Variants in AFF3 observed in about 807,000 individuals in gnomAD.
The protein encoded by AFF3 is ALF transcription elongation factor 3.
Under a neutral mutation model 129.7 loss-of-function variants are expected in AFF3, and 32 were observed. The observed-to-expected ratio is 0.25, with a 90% CI of 0.19 to 0.33. The LOEUF (loss-of-function observed/expected upper bound fraction) is 0.33, where lower values mean the gene tolerates loss of function less well. AFF3 is among the 10% of genes least tolerant of loss of function. The pLI is 1.00. For synonymous variants in AFF3, 644 were observed against 635.4 expected (o/e 1.01, Z -0.20); for missense variants, 1,373 against 1,592.0 (o/e 0.86, Z 2.34).
intron 11 of AFF3, among the ~76,000 whole-genome samples, chr2:99,718,042 T>A (rs1264617415): frequency 6.6e-6 from 1 of 152,242 alleles, no homozygotes; most frequent in Non-Finnish European, 1.5e-5. Flanking sequence ...TCTGCCCTTA[T>A]ATCAGTGCCA....
intron 2 of AFF3, among the ~76,000 whole-genome samples, chr2:100,111,442 C>T (rs1691507939): frequency 6.6e-6 from 1 of 152,232 alleles, no homozygotes; most frequent in South Asian, 2.1e-4. Context: ...GCTCAATTGT[C>T]TGAAGACTGA....
intron 11 of AFF3, among the ~76,000 whole-genome samples, chr2:99,716,582 CTATA>C (rs150305524): frequency 6.8e-6 from 1 of 147,116 alleles, no homozygotes; most frequent in Non-Finnish European, 1.5e-5. Context: ...TGTCACATAA[CTATA>C]TATATATATA....
chr2:100,095,827 A>G (rs1231960580), intron 4 of AFF3, among the ~76,000 whole-genome samples: 1 of 152,246 alleles, frequency 6.6e-6, no homozygotes, highest in Admixed American at 6.5e-5. Flanking sequence ...ATAGAACTGG[A>G]AATTACACAT....
chr2:100,026,076 G>A (rs1234766115), intron 4 of AFF3, among the ~76,000 whole-genome samples: 2 of 152,172 alleles, frequency 1.3e-5, no homozygotes, highest in African/African-American at 2.4e-5. Context: ...AAGAGCTTTT[G>A]CACGGCAAAA....
Position 100,006,607 on chromosome 2 carries a change from G to A in AFF3, c.873+25C>T, listed in dbSNP as rs751608798. ...GTCACTTGTAACTATGCAGTTGCATGTGAACGGTGCTGATAAAGACTCACC... is the reference window on the plus strand; with the variant it reads ...GTCACTTGTAACTATGCAGTTGCATATGAACGGTGCTGATAAAGACTCACC... On this transcript the variant is annotated intron_variant, in intron 7 of 24. Coordinates refer to ENST00000672756, the MANE Select transcript of AFF3 (RefSeq NM_001386135.1). The A allele has an allele frequency of 3.2e-6, 5 of 1,578,996 alleles. No individual in the cohort carries two copies. The South Asian group carries it at 4.5e-5, about 14-fold the overall frequency.
At chr2:99,789,095 C>T (rs143290443) in intron 8 of AFF3, among the ~76,000 whole-genome samples, 132 of 152,294 alleles carry the variant, frequency 8.7e-4, no homozygotes, top group African/African-American at 3.1e-3. Flanking sequence ...TTATACCATG[C>T]ATGACTGCAT....
chr2:100,069,420 A>AT (rs1687992583), intron 4 of AFF3, among the ~76,000 whole-genome samples: 1 of 152,344 alleles, frequency 6.6e-6, no homozygotes, highest in African/African-American at 2.4e-5. Flanking sequence ...CTATGAATTC[A>AT]TTTGTAAAAT....
chr2:99,673,161 C>G (rs1199751031), intron 11 of AFF3, among the ~76,000 whole-genome samples: 1 of 151,914 alleles, frequency 6.6e-6, no homozygotes, highest in Non-Finnish European at 1.5e-5. Flanking sequence ...TGTCTCCGTG[C>G]CTGCCCCAGG....
rs1191700795 is a variant in AFF3, at chr2:99,866,962, CATAATA to C, written c.874-29444_874-29439del. On this transcript the variant is annotated intron_variant, in intron 7 of 24. Transcript: ENST00000672756. ...CTGCACTCCAGCCTGGGTAACACAG[CATAATA>C]ATAATAATAATAATAATAATAATAA... 7.2e-4 allele frequency among the ~76,000 whole-genome samples: 68 copies of C among 93,892 alleles called. 1 individual carries two copies. Among genetic ancestry groups the C allele is most frequent in the Middle Eastern group, 5.2e-3 (1 of 194 alleles). The allele number at this position is 93,892 out of a possible 152,430, so 61.6% of individuals were successfully genotyped here. A position where few individuals can be genotyped will look rare whatever the true frequency, so the allele number is the denominator to read the frequency against.
chr2:99,933,149 T>C (rs1674197077), intron 7 of AFF3, among the ~76,000 whole-genome samples: 1 of 122,636 alleles, frequency 8.2e-6, no homozygotes, highest in South Asian at 2.4e-4. Context: ...ACCGGAGGTC[T>C]TTTTTTTTAA....
chr2:99,976,073 ATT>A (rs1180686973), intron 7 of AFF3, among the ~76,000 whole-genome samples: 7 of 152,070 alleles, frequency 4.6e-5, no homozygotes, highest in Non-Finnish European at 7.4e-5. Flanking sequence ...TGCTCACAGC[ATT>A]GCAAGGAGGA....
At chr2:100,053,781 T>C (rs1686544150) in intron 4 of AFF3, among the ~76,000 whole-genome samples, 2 of 152,168 alleles carry the variant, frequency 1.3e-5, no homozygotes, top group African/African-American at 4.8e-5. Context: ...CTGACATCCC[T>C]CTTCCTCATC....
intron 8 of AFF3, among the ~76,000 whole-genome samples, chr2:99,806,565 A>T (rs1051771221): frequency 6.6e-6 from 1 of 152,138 alleles, no homozygotes; most frequent in Non-Finnish European, 1.5e-5. Flanking sequence ...TCCAGACTTG[A>T]TGGGGGGAAA....
At chr2:100,011,269 C>A (rs538786410) in intron 4 of AFF3, among the ~76,000 whole-genome samples, 1 of 152,036 alleles carries the variant, frequency 6.6e-6, no homozygotes, top group Non-Finnish European at 1.5e-5. Context: ...GCGAGACTCC[C>A]TCTCAAAAGA....
intron 1 of AFF3, among the ~76,000 whole-genome samples, chr2:100,133,451 A>G (rs1188589950): frequency 6.6e-6 from 1 of 150,470 alleles, no homozygotes; most frequent in African/African-American, 2.4e-5. Flanking sequence ...TTTTTCTTTT[A>G]GAGGCAGGGT....
chr2:99,628,191 T>C (rs912845907), intron 13 of AFF3, among the ~76,000 whole-genome samples: 4 of 152,248 alleles, frequency 2.6e-5, no homozygotes, highest in African/African-American at 9.6e-5. Flanking sequence ...ATTCTTCCTA[T>C]CCAAAAGCAT....
At chr2:100,098,458 TGA>T (rs946779782) in intron 4 of AFF3, among the ~76,000 whole-genome samples, 15 of 150,122 alleles carry the variant, frequency 1.0e-4, no homozygotes, top group Non-Finnish European at 1.8e-4. Flanking sequence ...CATTCCATAT[TGA>T]GAGGTTTTTT....
intron 13 of AFF3, chr2:99,631,027 G>C: frequency 2.2e-6 from 1 of 461,176 alleles, no homozygotes. Context: ...TGAAGACAGG[G>C]AAACACTGTG....
chr2:99,848,899 T>G (rs959341364), intron 7 of AFF3, among the ~76,000 whole-genome samples: 4 of 152,124 alleles, frequency 2.6e-5, no homozygotes, highest in Non-Finnish European at 5.9e-5. Context: ...ACTACTTCCA[T>G]TAGGCTAAAA....
Sources: gnomAD v4.1 joint callset for allele counts (sites outside exome capture counted in the v4.1 genomes callset) on GRCh38, gnomAD v4.1.1 for gene constraint, MANE v1.5 for transcripts, NCBI Gene and HGNC (gene_info 2026-07-23, HGNC 2026-07-21) for gene names.